The following PPP1R36 variants were observed in gnomAD, a reference collection of about 807,000 sequenced individuals.
The protein encoded by PPP1R36 is chromosome 14 open reading frame 50.
In PPP1R36, 47 loss-of-function variants were observed where a neutral mutation model predicts 53.4. The ratio of observed to expected loss-of-function variants is 0.88; its 90% CI spans 0.70 to 1.12. PPP1R36 has a LOEUF of 1.12. Ranked by LOEUF, PPP1R36 falls within the 50% of genes most tolerant of loss-of-function variation. The pLI is 0.00. For missense variants in PPP1R36, 456 were observed against 513.9 expected, an observed-to-expected ratio of 0.89 and a Z score of 1.09; for synonymous variants, 153 against 170.5, an observed-to-expected ratio of 0.90 and a Z score of 0.80.
chr14:64,550,015 G>A lies in PPP1R36; in HGVS notation c.18G>A (p.Glu6=). ...GCGAGGCCATGTACCGGGTGCCCGA[G>A]TTTTATGCGAGGAGGAAGCGGTTAG... The part of the protein sequence containing the change: MYRVP[E]FYARRKRLGG... The change falls in exon 1 of 12, where the codon GAG becomes GAA. Residue 6 remains glutamate, a synonymous_variant. Coordinates refer to ENST00000298705, the MANE Select transcript of PPP1R36 (RefSeq NM_172365.3). 6.4e-7 allele frequency: 1 copy of A among 1,573,894 alleles called. No homozygotes were observed. Among genetic ancestry groups the A allele is most frequent in the Non-Finnish European group, 8.6e-7 (1 of 1,159,568 alleles).
rs10667127 is a variant in PPP1R36 at position 64,577,718 on chromosome 14, CTTTTTTT to C, written c.668+3148_668+3154del. On this transcript the variant is annotated intron_variant, in intron 8 of 11. Transcript: ENST00000298705. ...TTTTTAAGCTTTGCTGCCATGATTA[CTTTTTTT>C]TTTTTTTTTTTTTTTTTTGAGATGG... is the stretch of plus-strand genomic sequence containing the variant. 4.3e-3 allele frequency among the ~76,000 whole-genome samples: 410 copies of C among 94,416 alleles called. 1 individual carries two copies. The highest frequency in any genetic ancestry group is 0.017 in the African/African-American group (386 of 22,254). The allele number at this position is 94,416 out of a possible 152,430, so 61.9% of individuals were successfully genotyped here.
chr14:64,588,099 G>A lies in PPP1R36; in HGVS notation c.891-5G>A, dbSNP rs781331363. On this transcript the variant is annotated splice_polypyrimidine_tract_variant and splice_region_variant and intron_variant, in intron 10 of 11. Coordinates refer to ENST00000298705, the MANE Select transcript of PPP1R36 (RefSeq NM_172365.3). ...TGACCTAAATGTCACCTTCCTCCCC[G>A]ACAGGAGAATGATGGCAAAACGCCC... 125 of 1,591,620 alleles carry A rather than the reference G, an allele frequency of 7.9e-5. No homozygotes were observed. In the Admixed American group the frequency reaches 2.0e-3, roughly 25 times the overall value.
In PPP1R36 at chr14:64,574,535, G is replaced by A. The variant is rs1304338875; in HGVS notation, c.614G>A (p.Cys205Tyr). 1 of 1,614,052 alleles carries A rather than the reference G, an allele frequency of 6.2e-7. No individual in the cohort carries two copies. Among genetic ancestry groups the A allele is most frequent in the East Asian group, 2.2e-5 (1 of 44,882 alleles). ...AAQRYLAQKY[C>Y]ILVLGLAVPD... ...CAGAGGTACTTGGCGCAGAAGTACT[G>A]TATCCTTGTGCTGGGCTTGGCCGTG... Residue 205 changes from cysteine (C) to tyrosine (Y), a missense_variant, in exon 8 of 12, where the codon TGT (cysteine) becomes TAT (tyrosine). Coordinates refer to ENST00000298705, the MANE Select transcript of PPP1R36 (RefSeq NM_172365.3).
chr14:64,575,894 C>T (rs1240184136), intron 8 of PPP1R36, among the ~76,000 whole-genome samples: 1 of 152,122 alleles, frequency 6.6e-6, no homozygotes, highest in African/African-American at 2.4e-5. Context: ...TCGTGATCCA[C>T]CCGCCTCGGC....
intron 8 of PPP1R36, among the ~76,000 whole-genome samples, chr14:64,576,070 CTGAG>C (rs999214457): frequency 1.7e-4 from 24 of 139,580 alleles, no homozygotes; most frequent in Non-Finnish European, 2.6e-4. Context: ...TTTTATTTGA[CTGAG>C]TATCTTTTTT....
intron 11 of PPP1R36, 146 bp from the exon 12 acceptor site, chr14:64,589,006 A>G (rs1273356777): frequency 1.8e-6 from 1 of 569,384 alleles, no homozygotes; most frequent in Non-Finnish European, 3.0e-6. Context: ...AAACAGGGAA[A>G]GTTTTTAAAA....
chr14:64,573,107 A>C (rs891067294), intron 7 of PPP1R36, among the ~76,000 whole-genome samples: 1 of 152,226 alleles, frequency 6.6e-6, no homozygotes. Flanking sequence ...TTTGGTGTCT[A>C]GTGACACCTC....
At chr14:64,556,762 A>ATTG (rs1555351248) in intron 3 of PPP1R36, among the ~76,000 whole-genome samples, 2 of 133,970 alleles carry the variant, frequency 1.5e-5, no homozygotes, top group African/African-American at 5.6e-5. Flanking sequence ...TCTCCAAAAA[A>ATTG]TGTGTGTGTG....
intron 6 of PPP1R36, 146 bp downstream of exon 6, chr14:64,565,838 G>T (rs1354838770): frequency 4.6e-6 from 3 of 653,620 alleles, no homozygotes; most frequent in Non-Finnish European, 8.0e-6. Context: ...TAGTCACAAA[G>T]ACTGCGACCA....
chr14:64,572,930 G>C (rs1194128144), intron 7 of PPP1R36, among the ~76,000 whole-genome samples: 1 of 152,110 alleles, frequency 6.6e-6, no homozygotes, highest in Non-Finnish European at 1.5e-5. Context: ...GGAGGGGTGT[G>C]TTTGGGTTAT....
chr14:64,587,005 C>A, intron 9 of PPP1R36, 126 bp downstream of exon 9: 1 of 829,554 alleles, frequency 1.2e-6, no homozygotes, highest in Non-Finnish European at 1.9e-6. Context: ...AAGCTATATG[C>A]TATACCTTAA....
chr14:64,554,623 T>C (rs1391009480), intron 3 of PPP1R36, among the ~76,000 whole-genome samples: 1 of 152,172 alleles, frequency 6.6e-6, no homozygotes, highest in Admixed American at 6.5e-5. Flanking sequence ...GAGGCCAGGC[T>C]GAGGCAGAGG....
intron 8 of PPP1R36, among the ~76,000 whole-genome samples, chr14:64,581,153 T>C (rs906809430): frequency 3.9e-5 from 6 of 152,284 alleles, no homozygotes; most frequent in African/African-American, 1.4e-4. Context: ...AGGTTATATA[T>C]TGGTTTGGAC....
Position 64,565,661 on chromosome 14 carries a change from C to G in PPP1R36, c.403C>G (p.Gln135Glu). The G allele has an allele frequency of 1.2e-6, 2 of 1,613,618 alleles. No homozygotes were observed. Among genetic ancestry groups the G allele is most frequent in the Non-Finnish European group, 1.7e-6 (2 of 1,179,556 alleles). The change falls in exon 6 of 12, where the codon CAG becomes GAG. Residue 135 changes from glutamine to glutamate, a missense_variant. Physicochemically the swap from Gln to Glu is conservative, Grantham distance 29. Coordinates refer to ENST00000298705, the MANE Select transcript of PPP1R36 (RefSeq NM_172365.3). ...TLLLLQDTEM[Q>E]RICSFTTFMR... ...GCTTTTGCTACAAGATACTGAGATG[C>G]AGCGGATCTGTTCTTTTACAACATT...
At chr14:64,586,031 C>G (rs1178357184) in intron 8 of PPP1R36, 1 of 152,258 alleles carries the variant, frequency 6.6e-6, no homozygotes, top group Non-Finnish European at 1.5e-5. Flanking sequence ...CTTCTACCTC[C>G]CGGGTTCAAG....
intron 3 of PPP1R36, chr14:64,562,051 A>G (rs1220283779): frequency 9.7e-6 from 3 of 309,024 alleles, no homozygotes; most frequent in Non-Finnish European, 1.9e-5. Context: ...ACATGATTAT[A>G]TTGTAATATT....
At position 64,574,710 on chromosome 14, in the gene PPP1R36, T is replaced by G. The variant is rs1422104465; in HGVS notation, c.668+121T>G. On this transcript the variant is annotated intron_variant, in intron 8 of 11. Transcript: ENST00000298705. ...TTCCTTTTTCTGTTGTCCAGAGTAA[T>G]TGGGCTCAGGTGAGAATCTGTCCCA... 5.5e-6 allele frequency: 6 copies of G among 1,094,228 alleles called. No homozygotes were observed. The African/African-American group carries it at 7.8e-5, about 14-fold the overall frequency. 67.8% of individuals were successfully genotyped at this position (1,094,228 alleles called of 1,614,324 possible).
At chr14:64,566,710 A>G (rs943827921) in intron 6 of PPP1R36, among the ~76,000 whole-genome samples, 1 of 152,102 alleles carries the variant, frequency 6.6e-6, no homozygotes, top group African/African-American at 2.4e-5. Flanking sequence ...ACCCCTCCCC[A>G]TTCCCTCTGC....
At chr14:64,556,630 T>C (rs2140218727) in intron 3 of PPP1R36, among the ~76,000 whole-genome samples, 1 of 142,880 alleles carries the variant, frequency 7.0e-6, no homozygotes, top group East Asian at 2.1e-4. Flanking sequence ...TTTAATTAGC[T>C]GGGCCTGGTG....
Sources: gnomAD v4.1 joint callset for allele counts (sites outside exome capture counted in the v4.1 genomes callset) on GRCh38, gnomAD v4.1.1 for gene constraint, MANE v1.5 for transcripts, NCBI Gene and HGNC (gene_info 2026-07-23, HGNC 2026-07-21) for gene names.